The following CSMD1 variants were observed in gnomAD, a reference collection of about 807,000 sequenced individuals.
The protein encoded by CSMD1 is CUB and Sushi multiple domains 1, also known as CUB and sushi domain-containing protein 1.
Under a neutral mutation model 417.5 loss-of-function variants are expected in CSMD1, and 213 were observed. The ratio of observed to expected loss-of-function variants is 0.51; its 90% CI spans 0.46 to 0.57. The LOEUF (loss-of-function observed/expected upper bound fraction) is 0.57. Ranked by LOEUF, CSMD1 falls within the 20% of genes least tolerant of loss-of-function variation. CSMD1 has a pLI of 0.00. For missense variants in CSMD1, 6,923 were observed against 4,529.7 expected (o/e 1.53, Z -15.17); for synonymous variants, 2,862 against 1,736.8 (o/e 1.65, Z -16.11).
chr8:3,464,699 T>C (rs1467075192), intron 12 of CSMD1, among the ~76,000 whole-genome samples: 3 of 151,912 alleles, frequency 2.0e-5, no homozygotes, highest in African/African-American at 4.8e-5. Flanking sequence ...AAATATATAC[T>C]AGTCATATAG....
intron 1 of CSMD1, among the ~76,000 whole-genome samples, chr8:4,681,614 C>A (rs1806057606): frequency 6.6e-6 from 1 of 152,158 alleles, no homozygotes; most frequent in South Asian, 2.1e-4. Flanking sequence ...GTAAATATTA[C>A]TCTGTGGCTT....
chr8:3,347,480 T>A (rs148413013), intron 22 of CSMD1, among the ~76,000 whole-genome samples: 1 of 152,360 alleles, frequency 6.6e-6, no homozygotes, highest in Non-Finnish European at 1.5e-5. Context: ...ATCTGACCAC[T>A]GTGGCTGGAT....
intron 1 of CSMD1, among the ~76,000 whole-genome samples, chr8:4,906,104 C>A (rs910374850): frequency 6.6e-6 from 1 of 152,096 alleles, no homozygotes; most frequent in Admixed American, 6.5e-5. Flanking sequence ...TCAAATTATC[C>A]TTGTATGATA....
intron 5 of CSMD1, among the ~76,000 whole-genome samples, chr8:3,776,536 C>G (rs771102657): frequency 6.6e-6 from 1 of 152,160 alleles, no homozygotes; most frequent in Non-Finnish European, 1.5e-5. Context: ...TTGCTGTGCC[C>G]TCTGCATAGA....
intron 2 of CSMD1, among the ~76,000 whole-genome samples, chr8:4,461,868 G>A (rs1204729883): frequency 1.3e-5 from 2 of 151,136 alleles, no homozygotes; most frequent in Admixed American, 6.6e-5. Flanking sequence ...AGCCTCCCGA[G>A]TAGCTCGGAC....
Position 3,753,933 on chromosome 8 carries a change from G to C in CSMD1, c.928C>G (p.Gln310Glu). ...TTATAAGATGGAGCATCCTTACCTTGGAACTGAGCGTTAAATCCTTTGCGT... is the reference window on the plus strand; with the variant it reads ...TTATAAGATGGAGCATCCTTACCTTCGAACTGAGCGTTAAATCCTTTGCGT... The part of the protein sequence containing the change: ...HRRKGFNAQF[Q>E]VKKAIELKSR... The change falls in exon 6 of 70, where the codon CAA (glutamine) becomes GAA (glutamate). Residue 310 changes from glutamine to glutamate, a missense_variant. By Grantham distance (29) the Gln-to-Glu change is conservative. Coordinates refer to ENST00000635120, the MANE Select transcript of CSMD1 (RefSeq NM_033225.6). 6.2e-7 allele frequency: 1 copy of C among 1,600,286 alleles called. No homozygotes were observed. The highest frequency in any genetic ancestry group is 8.6e-7 in the Non-Finnish European group (1 of 1,169,162).
chr8:4,649,844 G>T (rs994859750), intron 1 of CSMD1, among the ~76,000 whole-genome samples: 4 of 152,150 alleles, frequency 2.6e-5, no homozygotes, highest in African/African-American at 9.7e-5. Flanking sequence ...TATGAGTTAT[G>T]CCTTTAACAA....
chr8:4,956,608 T>A (rs1484955260), intron 1 of CSMD1, among the ~76,000 whole-genome samples: 1 of 151,416 alleles, frequency 6.6e-6, no homozygotes, highest in African/African-American at 2.4e-5. Context: ...GATATTTTTA[T>A]TTTATAAATA....
In CSMD1 at chr8:3,123,580, A is replaced by C. The variant is rs1817329166; in HGVS notation, c.6242-4993T>G. Among the ~76,000 whole-genome samples, 3 of 150,986 alleles carry C rather than the reference A, an allele frequency of 2.0e-5. No individual in the cohort carries two copies. The South Asian group carries it at 6.2e-4, about 31-fold the overall frequency. ...CTTGGAAAAATGAGTCCTACTGTAC[A>C]GCAAATATGAACGCTAATAAAACGT... On this transcript the variant is annotated intron_variant, in intron 41 of 69. Coordinates refer to ENST00000635120, the MANE Select transcript of CSMD1 (RefSeq NM_033225.6).
At chr8:4,814,305 G>C (rs188816301) in intron 1 of CSMD1, among the ~76,000 whole-genome samples, 5 of 152,148 alleles carry the variant, frequency 3.3e-5, no homozygotes, top group African/African-American at 1.2e-4. Context: ...GAGCGCAATG[G>C]CACAAACTCA....
At chr8:3,873,785 C>T (rs1362941584) in intron 5 of CSMD1, among the ~76,000 whole-genome samples, 1 of 152,062 alleles carries the variant, frequency 6.6e-6, no homozygotes, top group South Asian at 2.1e-4. Context: ...CAACGTAGCC[C>T]TTGATTAGAC....
intron 52 of CSMD1, among the ~76,000 whole-genome samples, chr8:3,007,649 T>C (rs1304795229): frequency 6.6e-6 from 1 of 151,452 alleles, no homozygotes; most frequent in African/African-American, 2.4e-5. Context: ...GAAATCATCA[T>C]TCTCAGTAAA....
intron 5 of CSMD1, among the ~76,000 whole-genome samples, chr8:3,947,696 C>T (rs1351633299): frequency 6.6e-6 from 1 of 152,126 alleles, no homozygotes; most frequent in Non-Finnish European, 1.5e-5. Context: ...TAGTATCAAA[C>T]ATTTTTAATT....
chr8:4,199,521 A>G (rs754944467), intron 3 of CSMD1, among the ~76,000 whole-genome samples: 5 of 152,206 alleles, frequency 3.3e-5, no homozygotes, highest in African/African-American at 7.2e-5. Context: ...TCATTTAAAT[A>G]TAAGCGATCA....
intron 2 of CSMD1, among the ~76,000 whole-genome samples, chr8:4,447,614 G>A (rs960972201): frequency 6.6e-6 from 1 of 152,166 alleles, no homozygotes; most frequent in African/African-American, 2.4e-5. Flanking sequence ...CTTCCCACTT[G>A]ACTAAGCTTG....
At chr8:4,897,689 T>TA (rs973532047) in intron 1 of CSMD1, among the ~76,000 whole-genome samples, 33 of 152,284 alleles carry the variant, frequency 2.2e-4, no homozygotes, top group African/African-American at 7.9e-4. Flanking sequence ...AACTTTTTTT[T>TA]ACATATTACT....
intron 25 of CSMD1, among the ~76,000 whole-genome samples, chr8:3,293,696 C>G (rs1021123543): frequency 6.6e-6 from 1 of 152,140 alleles, no homozygotes; most frequent in Non-Finnish European, 1.5e-5. Context: ...TTAAGGACTT[C>G]TGTGCATTGG....
chr8:3,862,279 A>G (rs76064852), intron 5 of CSMD1, among the ~76,000 whole-genome samples: 5,739 of 152,172 alleles, frequency 0.038, 108 homozygotes, highest in Middle Eastern at 0.068. Context: ...ACTTACCATT[A>G]CCTCTTAGAA....
intron 3 of CSMD1, among the ~76,000 whole-genome samples, chr8:4,109,784 T>C (rs147334780): frequency 2.0e-3 from 307 of 152,298 alleles, no homozygotes; most frequent in Middle Eastern, 0.01. Flanking sequence ...TCTGTGGTCA[T>C]TGACTGAGAG....
Sources: gnomAD v4.1 joint callset for allele counts (sites outside exome capture counted in the v4.1 genomes callset) on GRCh38, gnomAD v4.1.1 for gene constraint, MANE v1.5 for transcripts, NCBI Gene and HGNC (gene_info 2026-07-23, HGNC 2026-07-21) for gene names.